Variants in MYT1L observed in about 807,000 individuals in gnomAD.
MYT1L encodes the protein myelin transcription factor 1 like.
A neutral mutation model predicts 126.7 loss-of-function variants in MYT1L; 12 were observed. The ratio of observed to expected loss-of-function variants is 0.09; its 90% CI spans 0.06 to 0.15. MYT1L has a LOEUF of 0.15. Among genes scored for constraint, MYT1L ranks in the 10% least tolerant of loss-of-function variants. The pLI is 1.00. For synonymous variants in MYT1L, 541 were observed against 604.2 expected (o/e 0.90, Z 1.53); for missense variants, 979 against 1,585.2 (o/e 0.62, Z 6.49).
intron 18 of MYT1L, among the ~76,000 whole-genome samples, chr2:1,878,140 A>G (rs2047148235): frequency 6.6e-6 from 1 of 152,256 alleles, no homozygotes; most frequent in Non-Finnish European, 1.5e-5. Flanking sequence ...GTTTTTCACA[A>G]TAGTGTAACT....
chr2:1,958,965 T>C (rs1008025124), intron 8 of MYT1L, among the ~76,000 whole-genome samples: 18 of 152,356 alleles, frequency 1.2e-4, no homozygotes, highest in Admixed American at 4.6e-4. Context: ...GGGCTTCCTC[T>C]TGGATTTCAT....
intron 1 of MYT1L, among the ~76,000 whole-genome samples, chr2:2,310,656 G>A (rs1052230409): frequency 1.3e-5 from 2 of 152,118 alleles, no homozygotes; most frequent in Non-Finnish European, 2.9e-5. Flanking sequence ...ACTCCAGCCT[G>A]GCTTGACATT....
At chr2:1,934,216 C>A (rs978853619) in intron 9 of MYT1L, among the ~76,000 whole-genome samples, 1 of 150,820 alleles carries the variant, frequency 6.6e-6, no homozygotes, top group African/African-American at 2.4e-5. Context: ...CCTCGTGATC[C>A]TCCCGCCTTG....
intron 14 of MYT1L, among the ~76,000 whole-genome samples, chr2:1,900,143 A>G (rs1481757870): frequency 6.6e-6 from 1 of 152,126 alleles, no homozygotes; most frequent in Non-Finnish European, 1.5e-5. Flanking sequence ...ACCTGAAGCA[A>G]GTGTTGGCAA....
chr2:2,239,666 T>C (rs1217381164), intron 2 of MYT1L, among the ~76,000 whole-genome samples: 1 of 152,198 alleles, frequency 6.6e-6, no homozygotes, highest in East Asian at 1.9e-4. Flanking sequence ...CTCTCATCAC[T>C]GCTGATAGAT....
Position 1,889,271 on chromosome 2 carries a change from C to G in MYT1L, c.2490G>C (p.Arg830Ser). The G allele has an allele frequency of 1.2e-6, 2 of 1,613,958 alleles. No homozygotes were observed. Among genetic ancestry groups the G allele is most frequent in the South Asian group, 2.2e-5 (2 of 91,070 alleles). ...PVDYTKMKPRRIDEDESKDIT... is the reference protein window; with the variant it reads ...PVDYTKMKPRSIDEDESKDIT... ...TGTCTTTGGACTCGTCCTCGTCTATCCTCCGGGGTTTCATTTTGGTGTAGT... is the reference window on the plus strand; with the variant it reads ...TGTCTTTGGACTCGTCCTCGTCTATGCTCCGGGGTTTCATTTTGGTGTAGT... Residue 830 changes from arginine (R) to serine (S), a missense_variant, in exon 16 of 25, where the codon AGG becomes AGC. Arg to Ser is a moderately radical substitution (Grantham distance 110, BLOSUM62 -1). Around this residue, in one of 12 missense-constraint regions of MYT1L, gnomAD observed 141 missense variants for 170.6 expected, o/e 0.83. Transcript: ENST00000647738. This position sits in a 1 kb window ranked among gnomAD's most constrained non-coding sequence, Gnocchi z 4.1.
At chr2:2,029,784 T>C (rs977729744) in intron 4 of MYT1L, among the ~76,000 whole-genome samples, 3 of 152,256 alleles carry the variant, frequency 2.0e-5, no homozygotes, top group Non-Finnish European at 4.4e-5. Context: ...CTGTATATAA[T>C]TTAGAAAGTT....
chr2:2,153,182 C>T (rs1409611173), intron 3 of MYT1L, among the ~76,000 whole-genome samples: 2 of 151,996 alleles, frequency 1.3e-5, no homozygotes, highest in Non-Finnish European at 2.9e-5. Context: ...GCCTATAGTC[C>T]CAGCTGCTCA....
At chr2:2,158,818 ACAGGCAGACAGCG>A (rs1225794044) in intron 3 of MYT1L, among the ~76,000 whole-genome samples, 1 of 152,112 alleles carries the variant, frequency 6.6e-6, no homozygotes, top group Admixed American at 6.6e-5. Flanking sequence ...TCTTTCACCG[ACAGGCAGACAGCG>A]CAGGCAGACC....
chr2:2,092,644 G>C (rs1396641656), intron 3 of MYT1L, among the ~76,000 whole-genome samples: 1 of 152,152 alleles, frequency 6.6e-6, no homozygotes, highest in Non-Finnish European at 1.5e-5. Context: ...AATGAAATAA[G>C]GTATGTATGT....
At chr2:2,309,352 C>T (rs1355146506) in intron 1 of MYT1L, among the ~76,000 whole-genome samples, 2 of 151,622 alleles carry the variant, frequency 1.3e-5, no homozygotes, top group Non-Finnish European at 2.9e-5. Flanking sequence ...TCAGTATACT[C>T]TATCTATTCT....
chr2:1,934,014 G>C (rs548035276), intron 9 of MYT1L, among the ~76,000 whole-genome samples: 1 of 129,980 alleles, frequency 7.7e-6, no homozygotes, highest in Non-Finnish European at 1.5e-5. Flanking sequence ...TTGCTCTGTC[G>C]CCCAGGCTGG....
intron 8 of MYT1L, among the ~76,000 whole-genome samples, chr2:1,976,731 C>A (rs1326290784): frequency 6.6e-6 from 1 of 152,172 alleles, no homozygotes; most frequent in African/African-American, 2.4e-5. Context: ...ATGAGTCTTA[C>A]CTAATACATC....
At chr2:1,978,614 G>A (rs6756682) in intron 8 of MYT1L, among the ~76,000 whole-genome samples, 29,284 of 151,984 alleles carry the variant, frequency 0.19, 4,273 homozygotes, top group African/African-American at 0.41. Context: ...TAAGATTAAT[G>A]TAATCACTGC....
At chr2:1,861,879 G>A (rs2044690761) in intron 18 of MYT1L, among the ~76,000 whole-genome samples, 4 of 152,012 alleles carry the variant, frequency 2.6e-5, no homozygotes, top group Non-Finnish European at 4.4e-5. Flanking sequence ...TGCAGCCTGT[G>A]TAATCCTGGA....
intron 3 of MYT1L, among the ~76,000 whole-genome samples, chr2:2,091,377 T>A (rs1291292635): frequency 6.6e-6 from 1 of 152,196 alleles, no homozygotes; most frequent in Non-Finnish European, 1.5e-5. Flanking sequence ...AGAAATCTTT[T>A]TTTTCTGAGC....
intron 2 of MYT1L, among the ~76,000 whole-genome samples, chr2:2,201,236 C>T (rs1318871622): frequency 6.8e-6 from 1 of 147,540 alleles, no homozygotes; most frequent in Non-Finnish European, 1.5e-5. Context: ...AAGTCAATTA[C>T]TGGAGACTGT....
At position 2,289,968 on chromosome 2, in the gene MYT1L, G is replaced by T. The variant is rs6706445; in HGVS notation, c.-520-5465C>A. On this transcript the variant is annotated intron_variant, in intron 1 of 24. Transcript: ENST00000647738. ...AGAAGGAGAGGAGAGTATGCTGAGAGGAAATGTGCTCCCTGGGGAAGACCT... is the reference window on the plus strand; with the variant it reads ...AGAAGGAGAGGAGAGTATGCTGAGATGAAATGTGCTCCCTGGGGAAGACCT... Among the ~76,000 whole-genome samples the T allele has an allele frequency of 3.5e-3, 527 of 152,298 alleles. 4 individuals carry two copies. The highest frequency in any genetic ancestry group is 0.012 in the African/African-American group (502 of 41,558).
At chr2:2,139,638 C>CA (rs1373594247) in intron 3 of MYT1L, among the ~76,000 whole-genome samples, 1 of 151,098 alleles carries the variant, frequency 6.6e-6, no homozygotes, top group East Asian at 1.9e-4. Context: ...CACTCCATCT[C>CA]AAAAAAATAA....
Sources: allele counts gnomAD v4.1 joint callset (sites outside exome capture counted in the v4.1 genomes callset), GRCh38; gene constraint gnomAD v4.1.1; regional missense constraint gnomAD v4.1.1; non-coding constraint Gnocchi (gnomAD v3.1); transcripts MANE v1.5; gene names NCBI Gene and HGNC (gene_info 2026-07-23, HGNC 2026-07-21).